DIP2B: variants seen among roughly 807,000 people sequenced by gnomAD.
The protein encoded by DIP2B is disco-interacting protein 2 homolog B.
A neutral mutation model predicts 198.0 loss-of-function variants in DIP2B; 76 were observed. The observed-to-expected ratio is 0.38, with a 90% confidence interval of 0.32 to 0.46. DIP2B has a LOEUF of 0.46. Among genes scored for constraint, DIP2B ranks in the 20% least tolerant of loss-of-function variants. The probability of loss-of-function intolerance (pLI) is 0.99; values close to 1 mark genes in which losing one functional copy is unlikely to be tolerated. For synonymous variants in DIP2B, 701 were observed against 739.1 expected (o/e 0.95, Z 0.84); for missense variants, 1,559 against 1,978.4 (o/e 0.79, Z 4.02).
chr12:50,733,604 T>A (rs1048384418), intron 32 of DIP2B, among the ~76,000 whole-genome samples: 1 of 152,158 alleles, frequency 6.6e-6, no homozygotes, highest in Admixed American at 6.5e-5. Flanking sequence ...CCTGGAAGTC[T>A]GAGGCAAGGG....
At chr12:50,573,036 G>T (rs527857915) in intron 1 of DIP2B, among the ~76,000 whole-genome samples, 3 of 152,208 alleles carry the variant, frequency 2.0e-5, no homozygotes. Flanking sequence ...CATTCTGCAC[G>T]TGAGCTCTAA....
intron 1 of DIP2B, among the ~76,000 whole-genome samples, chr12:50,550,344 C>T (rs995779583): frequency 1.6e-4 from 24 of 151,582 alleles, no homozygotes; most frequent in African/African-American, 5.6e-4. Flanking sequence ...TCATCTTTTT[C>T]ATGAGGCTAG....
rs1033273904 is a variant in DIP2B, at chr12:50,745,385, G to A, written c.*546G>A. ...TTGACTGTAAAACATTTTGACCAGT[G>A]TTTTACAACATGTACATAAGAATAC... On this transcript the variant is annotated 3_prime_UTR_variant, in exon 38 of 38. Transcript: ENST00000301180. The A allele has an allele frequency of 6.4e-6, 1 of 155,768 alleles. No individual in the cohort carries two copies. The highest frequency in any genetic ancestry group is 2.4e-5 in the African/African-American group (1 of 41,446). 9.6% of individuals were successfully genotyped at this position (155,768 alleles called of 1,614,324 possible). A position where few individuals can be genotyped will look rare whatever the true frequency, so the allele number is the denominator to read the frequency against.
At chr12:50,542,420 A>G (rs936735670) in intron 1 of DIP2B, among the ~76,000 whole-genome samples, 2 of 152,092 alleles carry the variant, frequency 1.3e-5, no homozygotes, top group Non-Finnish European at 2.9e-5. Context: ...TTTCTCTCAT[A>G]AAAGGAAAAG....
At chr12:50,577,270 G>C (rs1048291831) in intron 1 of DIP2B, among the ~76,000 whole-genome samples, 2 of 152,166 alleles carry the variant, frequency 1.3e-5, no homozygotes, top group East Asian at 3.8e-4. Context: ...CATGGCTCAT[G>C]CCTGTAATCT....
chr12:50,546,695 T>TA (rs1157890866), intron 1 of DIP2B, among the ~76,000 whole-genome samples: 1 of 152,156 alleles, frequency 6.6e-6, no homozygotes, highest in African/African-American at 2.4e-5. Flanking sequence ...AGGTGCCCAG[T>TA]AAATGTTAGT....
chr12:50,576,811 G>C (rs560538207), intron 1 of DIP2B, among the ~76,000 whole-genome samples: 128 of 151,904 alleles, frequency 8.4e-4, no homozygotes, highest in Non-Finnish European at 1.4e-3. Flanking sequence ...AAGTTAGGCT[G>C]CATCTTTTCT....
At chr12:50,716,777 T>C (rs578025299) in intron 23 of DIP2B, among the ~76,000 whole-genome samples, 59 of 152,256 alleles carry the variant, frequency 3.9e-4, no homozygotes, top group African/African-American at 1.4e-3. Flanking sequence ...TGTTTTATCA[T>C]CTTTTTGCCA....
rs1196846096 is a variant in DIP2B at position 50,695,499 on chromosome 12, AC to A, written c.1813+141del. On this transcript the variant is annotated intron_variant, in intron 15 of 37. Coordinates refer to ENST00000301180, the MANE Select transcript of DIP2B (RefSeq NM_173602.3). ...GAGTTTAGTTACTACAGAATTAGGT[AC>A]CTTGCCTGTTCATCTCACTGATGTC... 157 of 844,770 alleles carry A rather than the reference AC, an allele frequency of 1.9e-4. 4 individuals are homozygous for A. The Middle Eastern group carries it at 0.017, about 94-fold the overall frequency. The allele number at this position is 844,770 out of a possible 1,614,324, so 52.3% of individuals were successfully genotyped here.
chr12:50,526,245 G>A (rs1958163853), intron 1 of DIP2B, among the ~76,000 whole-genome samples: 1 of 152,178 alleles, frequency 6.6e-6, no homozygotes. Context: ...CAGGGTCTCT[G>A]CCAGGAAGGA....
chr12:50,680,770 G>T lies in DIP2B; in HGVS notation c.1206+7G>T. ...GTTAAAACCTGGAGACAGGGTAATT[G>T]GTGTGATTTTGGTTTTAGGGAGGTG... is the stretch of plus-strand genomic sequence containing the variant. On this transcript the variant is annotated splice_region_variant and intron_variant, in intron 9 of 37. Transcript: ENST00000301180. The T allele has an allele frequency of 1.9e-6, 3 of 1,612,310 alleles. No homozygotes were observed. The highest frequency in any genetic ancestry group is 2.5e-6 in the Non-Finnish European group (3 of 1,179,284).
At chr12:50,603,238 A>T (rs1175577380) in intron 1 of DIP2B, among the ~76,000 whole-genome samples, 3 of 152,142 alleles carry the variant, frequency 2.0e-5, no homozygotes, top group Non-Finnish European at 4.4e-5. Flanking sequence ...GAGTGGTGAC[A>T]GTTAAAAGTA....
intron 23 of DIP2B, among the ~76,000 whole-genome samples, chr12:50,715,877 T>C (rs967697188): frequency 2.6e-5 from 4 of 152,212 alleles, no homozygotes; most frequent in Admixed American, 2.0e-4. Flanking sequence ...TAACTAGCAG[T>C]TTTTGCCATA....
intron 1 of DIP2B, among the ~76,000 whole-genome samples, chr12:50,576,796 A>G (rs1342801738): frequency 6.6e-6 from 1 of 151,792 alleles, no homozygotes; most frequent in Non-Finnish European, 1.5e-5. Flanking sequence ...GACCCTTTAC[A>G]GAAAAAGTTA....
At chr12:50,606,061 A>G (rs1341946804) in intron 1 of DIP2B, among the ~76,000 whole-genome samples, 1 of 152,086 alleles carries the variant, frequency 6.6e-6, no homozygotes, top group East Asian at 1.9e-4. Context: ...GGCCTCAAGC[A>G]GTTCACCCAT....
intron 3 of DIP2B, among the ~76,000 whole-genome samples, chr12:50,642,266 T>A (rs1181232552): frequency 1.3e-5 from 2 of 152,082 alleles, no homozygotes; most frequent in African/African-American, 2.4e-5. Flanking sequence ...GTTCAGAACT[T>A]AGAATGCAAG....
Position 50,505,119 on chromosome 12 carries a change from G to T in DIP2B, c.-22G>T. On this transcript the variant is annotated 5_prime_UTR_variant, in exon 1 of 38. Transcript: ENST00000301180. ...CTTCGGCCCCCTCTCTTGTCTTCCG[G>T]AGTGTGGCTGGCGGAGCTGGGATGG... 6.5e-7 allele frequency: 1 copy of T among 1,530,408 alleles called. No homozygotes were observed. The highest frequency in any genetic ancestry group is 1.4e-5 in the African/African-American group (1 of 71,880). 94.8% of individuals were successfully genotyped at this position (1,530,408 alleles called of 1,614,324 possible).
chr12:50,606,945 A>G (rs1463138276), intron 1 of DIP2B, among the ~76,000 whole-genome samples: 6 of 151,974 alleles, frequency 3.9e-5, no homozygotes, highest in African/African-American at 1.4e-4. Context: ...TAGCTAGGAC[A>G]AGTGTGTGTC....
At chr12:50,568,808 A>G (rs1400946676) in intron 1 of DIP2B, among the ~76,000 whole-genome samples, 2 of 152,224 alleles carry the variant, frequency 1.3e-5, no homozygotes, top group Admixed American at 1.3e-4. Flanking sequence ...TTTTAAAACC[A>G]TAAAATTTTG....
Sources: allele counts gnomAD v4.1 joint callset (sites outside exome capture counted in the v4.1 genomes callset), GRCh38; gene constraint gnomAD v4.1.1; transcripts MANE v1.5; gene names NCBI Gene and HGNC (gene_info 2026-07-23, HGNC 2026-07-21).